The following CRTC3 variants were observed in gnomAD, a reference collection of about 807,000 sequenced individuals.
CRTC3 encodes CREB regulated transcription coactivator 3.
Under a neutral mutation model 74.5 loss-of-function variants are expected in CRTC3, and 26 were observed. The observed-to-expected ratio is 0.35, with a 90% CI of 0.26 to 0.48. The LOEUF (loss-of-function observed/expected upper bound fraction) is 0.48, where lower values mean the gene tolerates loss of function less well. Among genes scored for constraint, CRTC3 ranks in the 20% least tolerant of loss-of-function variants. CRTC3 has a pLI of 0.99. For missense variants in CRTC3, 760 were observed against 787.3 expected (o/e 0.97, Z 0.41); for synonymous variants, 377 against 325.8 (o/e 1.16, Z -1.69).
chr15:90,587,090 C>T (rs1967682515), intron 2 of CRTC3, among the ~76,000 whole-genome samples: 1 of 152,188 alleles, frequency 6.6e-6, no homozygotes. Flanking sequence ...ATGTAGGTCA[C>T]ATTGATAGAT....
At chr15:90,595,161 A>C (rs1967889241) in intron 3 of CRTC3, 1 of 152,244 alleles carries the variant, frequency 6.6e-6, no homozygotes, top group African/African-American at 2.4e-5. Flanking sequence ...AAGGAAATGG[A>C]GGCAATTCAT....
intron 8 of CRTC3, among the ~76,000 whole-genome samples, chr15:90,618,683 C>G (rs905558961): frequency 6.6e-6 from 1 of 152,206 alleles, no homozygotes; most frequent in African/African-American, 2.4e-5. Context: ...GTTTAGGATC[C>G]CTTTGGCCCA....
intron 14 of CRTC3, 27 bp from the exon 15 acceptor site, chr15:90,641,905 G>C (rs760392423): frequency 5.3e-5 from 86 of 1,609,292 alleles, no homozygotes; most frequent in Non-Finnish European, 6.0e-5. Flanking sequence ...TAACCGCACT[G>C]TTTTCCCCTC....
chr15:90,584,722 T>G (rs1967619954), intron 2 of CRTC3, among the ~76,000 whole-genome samples: 1 of 151,836 alleles, frequency 6.6e-6, no homozygotes, highest in Admixed American at 6.6e-5. Context: ...AGTGATGAGT[T>G]TAAGGATGCC....
intron 3 of CRTC3, 165 bp downstream of exon 3, chr15:90,593,920 C>A: frequency 1.7e-6 from 1 of 604,408 alleles, no homozygotes; most frequent in South Asian, 3.6e-5. Context: ...TCTCTGCAGT[C>A]AACATTTGGA....
chr15:90,540,218 TGAAGGATAAGCTG>T, intron 2 of CRTC3, 81 bp downstream of exon 2: 5 of 989,102 alleles, frequency 5.1e-6, no homozygotes, highest in Non-Finnish European at 7.7e-6. Context: ...GATGAGATCT[TGAAGGATAAGCTG>T]GGCCTAGGTA....
chr15:90,631,667 T>G (rs1163919500), intron 11 of CRTC3, among the ~76,000 whole-genome samples: 1 of 150,150 alleles, frequency 6.7e-6, no homozygotes, highest in Admixed American at 6.6e-5. Context: ...GGTGGAAGTT[T>G]GCAGTGAGCC....
At chr15:90,556,180 G>A (rs910673707) in intron 2 of CRTC3, among the ~76,000 whole-genome samples, 1 of 151,386 alleles carries the variant, frequency 6.6e-6, no homozygotes, top group Non-Finnish European at 1.5e-5. Flanking sequence ...CATCATATAT[G>A]ACTTATAATT....
chr15:90,632,108 C>T (rs1250965677), intron 11 of CRTC3, among the ~76,000 whole-genome samples: 1 of 151,444 alleles, frequency 6.6e-6, no homozygotes, highest in Non-Finnish European at 1.5e-5. Flanking sequence ...GGGGTTTCAC[C>T]ATATTGCCCA....
chr15:90,570,214 A>T (rs1967230035), intron 2 of CRTC3, among the ~76,000 whole-genome samples: 1 of 152,194 alleles, frequency 6.6e-6, no homozygotes, highest in South Asian at 2.1e-4. Context: ...GGCTTAAAAA[A>T]TTGTCAAGTA....
rs1052766510 is a variant in CRTC3 at position 90,643,959 on chromosome 15, C to A, written c.*1819C>A. On this transcript the variant is annotated 3_prime_UTR_variant, in exon 15 of 15. Transcript: ENST00000268184. ...GGAGTCGTGGTCACAAGACCCTGGG[C>A]TGGTTAGCCTCTCCCGACCTCATTC... 6 of 232,642 alleles carry A rather than the reference C, an allele frequency of 2.6e-5. No individual in the cohort carries two copies. Among genetic ancestry groups the A allele is most frequent in the Non-Finnish European group, 5.1e-5 (6 of 117,714 alleles). The allele number at this position is 232,642 out of a possible 1,614,324, so 14.4% of individuals were successfully genotyped here.
At chr15:90,614,512 A>G (rs374218754) in intron 7 of CRTC3, 24 bp downstream of exon 7, 32 of 1,532,590 alleles carry the variant, frequency 2.1e-5, no homozygotes, top group East Asian at 9.0e-5. Context: ...TTACCTACCT[A>G]TATTGGAGTG....
At chr15:90,614,304 G>A in intron 6 of CRTC3, 149 bp from the exon 7 acceptor site, 1 of 576,370 alleles carries the variant, frequency 1.7e-6, no homozygotes, top group South Asian at 2.4e-5. Context: ...AAATGATAAA[G>A]CACCTTAAAT....
Position 90,604,397 on chromosome 15 carries a change from T to C in CRTC3, c.426T>C (p.Pro142=). Residue 142 remains proline, a synonymous_variant, in exon 5 of 15, where the codon CCT becomes CCC. Transcript: ENST00000268184. ...LDESWPRQQP[P]WKDEKHPGFR... ...CTGGTTTTTAAAGGCAGCAGCCTCC[T>C]TGGAAAGACGAAAAGCATCCTGGGT... is the stretch of plus-strand genomic sequence containing the variant. The C allele has an allele frequency of 5.6e-6, 9 of 1,614,040 alleles. No individual in the cohort carries two copies. Among genetic ancestry groups the C allele is most frequent in the Non-Finnish European group, 7.6e-6 (9 of 1,179,894 alleles).
At chr15:90,533,722 A>G (rs1217075556) in intron 1 of CRTC3, among the ~76,000 whole-genome samples, 1 of 152,184 alleles carries the variant, frequency 6.6e-6, no homozygotes, top group Non-Finnish European at 1.5e-5. Context: ...TTAGGATTTA[A>G]TGAGGAAGAC....
intron 1 of CRTC3, 145 bp from the exon 2 acceptor site, chr15:90,539,894 C>T (rs868510256): frequency 1.5e-6 from 1 of 654,860 alleles, no homozygotes; most frequent in Non-Finnish European, 2.7e-6. Context: ...GCACCGGAAA[C>T]CTTGAGGGTG....
intron 6 of CRTC3, among the ~76,000 whole-genome samples, chr15:90,607,848 C>T (rs982774155): frequency 1.3e-5 from 2 of 152,200 alleles, no homozygotes; most frequent in African/African-American, 4.8e-5. Flanking sequence ...TCTGAACAAA[C>T]TGAGAAATAC....
rs548587155 is a variant in CRTC3 at position 90,643,974 on chromosome 15, C to T, written c.*1834C>T. Reference sequence around the variant, plus strand: ...AGACCCTGGGCTGGTTAGCCTCTCCCGACCTCATTCCATTTCTATCTTCTG... The same window carrying T: ...AGACCCTGGGCTGGTTAGCCTCTCCTGACCTCATTCCATTTCTATCTTCTG... On this transcript the variant is annotated 3_prime_UTR_variant, in exon 15 of 15. Coordinates refer to ENST00000268184, the MANE Select transcript of CRTC3 (RefSeq NM_022769.5). The T allele has an allele frequency of 1.1e-4, 26 of 232,622 alleles. No homozygotes were observed. Among genetic ancestry groups the T allele is most frequent in the East Asian group, 6.1e-4 (10 of 16,490 alleles). 14.4% of individuals were successfully genotyped at this position (232,622 alleles called of 1,614,324 possible). A position where few individuals can be genotyped will look rare whatever the true frequency, so the allele number is the denominator to read the frequency against.
At chr15:90,539,760 T>G (rs1037202390) in intron 1 of CRTC3, 3 of 355,536 alleles carry the variant, frequency 8.4e-6, no homozygotes, top group Non-Finnish European at 1.5e-5. Context: ...TGTTAAAGAT[T>G]ATGCCAGTGT....
Sources: allele counts gnomAD v4.1 joint callset (sites outside exome capture counted in the v4.1 genomes callset), GRCh38; gene constraint gnomAD v4.1.1; transcripts MANE v1.5; gene names NCBI Gene and HGNC (gene_info 2026-07-23, HGNC 2026-07-21).